CNN3: variants seen among roughly 807,000 people sequenced by gnomAD.
CNN3 encodes the protein calponin 3.
A neutral mutation model predicts 39.0 loss-of-function variants in CNN3; 11 were observed. The observed-to-expected ratio is 0.28, with a 90% CI of 0.18 to 0.47. The LOEUF (loss-of-function observed/expected upper bound fraction) is 0.47. CNN3 is among the 20% of genes least tolerant of loss of function. The pLI, the probability that CNN3 is intolerant of heterozygous loss-of-function variation, is 0.99. For synonymous variants in CNN3, 101 were observed against 138.3 expected, an observed-to-expected ratio of 0.73 and a Z score of 1.89; for missense variants, 266 against 403.4, an observed-to-expected ratio of 0.66 and a Z score of 2.92.
chr1:94,909,845 CATTCAGCTCAAG>C (rs1004839016), intron 1 of CNN3, among the ~76,000 whole-genome samples: 4 of 148,556 alleles, frequency 2.7e-5, no homozygotes, highest in Admixed American at 1.3e-4. Flanking sequence ...ACGCCGAGAG[CATTCAGCTCAAG>C]TACCATTTGA....
At chr1:94,904,675 A>C (rs944560317) in intron 1 of CNN3, among the ~76,000 whole-genome samples, 2 of 152,142 alleles carry the variant, frequency 1.3e-5, no homozygotes, top group Admixed American at 6.5e-5. Flanking sequence ...TGAGCCCACG[A>C]GATCGAGGCT....
At chr1:94,922,673 C>T (rs1458676755) in intron 1 of CNN3, among the ~76,000 whole-genome samples, 1 of 152,196 alleles carries the variant, frequency 6.6e-6, no homozygotes, top group Non-Finnish European at 1.5e-5. Context: ...TAATTTATAG[C>T]TGGGTCACCC....
At chr1:94,917,242 G>A (rs1671308464) in intron 1 of CNN3, among the ~76,000 whole-genome samples, 1 of 152,166 alleles carries the variant, frequency 6.6e-6, no homozygotes, top group African/African-American at 2.4e-5. Flanking sequence ...CTCCATGTTG[G>A]TCAGGCTGGT....
Position 94,897,640 on chromosome 1 carries a change from T to C in CNN3, c.*102A>G. On this transcript the variant is annotated 3_prime_UTR_variant, in exon 7 of 7. Coordinates refer to ENST00000370206, the MANE Select transcript of CNN3 (RefSeq NM_001839.5). ...AATTTTTCTTAAAAGTACAATAAGC[T>C]TAATAGTGTTTTAGGAAGACAAGAT... is the stretch of plus-strand genomic sequence containing the variant. 1 of 1,100,264 alleles carries C rather than the reference T, an allele frequency of 9.1e-7. No individual in the cohort carries two copies. The highest frequency in any genetic ancestry group is 1.3e-6 in the Non-Finnish European group (1 of 762,058). The allele number at this position is 1,100,264 out of a possible 1,614,324, so 68.2% of individuals were successfully genotyped here.
intron 1 of CNN3, among the ~76,000 whole-genome samples, chr1:94,913,704 G>T (rs969037620): frequency 3.3e-5 from 5 of 152,190 alleles, no homozygotes; most frequent in African/African-American, 1.2e-4. Flanking sequence ...GGAAGTTTAG[G>T]AGAGGCAGGT....
chr1:94,903,772 A>C (rs892686638), intron 1 of CNN3, among the ~76,000 whole-genome samples: 7 of 152,214 alleles, frequency 4.6e-5, no homozygotes, highest in Non-Finnish European at 8.8e-5. Flanking sequence ...CAAGGAGAGA[A>C]CATCAATCAA....
At chr1:94,922,899 C>T (rs1412387067) in intron 1 of CNN3, among the ~76,000 whole-genome samples, 1 of 152,212 alleles carries the variant, frequency 6.6e-6, no homozygotes, top group African/African-American at 2.4e-5. Flanking sequence ...CCGTGGGAAG[C>T]TGCTTTGCTC....
At position 94,916,610 on chromosome 1, in the gene CNN3, C is replaced by T. The variant is rs374833759; in HGVS notation, c.57+10228G>A. ...CCTGGGATTTCTTGCTCTGGTCTGC[C>T]CTCTCTGGACTCAGTACCCTCTCGT... On this transcript the variant is annotated intron_variant, in intron 1 of 6. Transcript: ENST00000370206. Among the ~76,000 whole-genome samples the T allele has an allele frequency of 5.9e-5, 9 of 152,234 alleles. No homozygotes were observed. The East Asian group carries it at 1.7e-3, about 29-fold the overall frequency.
chr1:94,904,573 C>T (rs960247909), intron 1 of CNN3, among the ~76,000 whole-genome samples: 1 of 151,996 alleles, frequency 6.6e-6, no homozygotes, highest in Non-Finnish European at 1.5e-5. Flanking sequence ...ATTGAGAGAC[C>T]TTGTCTCTAC....
rs1557915304 is a variant in CNN3, at chr1:94,918,519, A to AAC, written c.57+8318_57+8319insGT. ...AAAAAAAATAAAATAAAAAAAAAAA[A>AAC]AGTCGGCAAGGGGTGGGAGGAATTG... On this transcript the variant is annotated intron_variant, in intron 1 of 6. Coordinates refer to ENST00000370206, the MANE Select transcript of CNN3 (RefSeq NM_001839.5). 2.5e-4 allele frequency among the ~76,000 whole-genome samples: 34 copies of AAC among 136,970 alleles called. 7 individuals carry two copies. The highest frequency in any genetic ancestry group is 3.1e-4 in the Admixed American group (4 of 12,952). The allele number at this position is 136,970 out of a possible 152,430, so 89.9% of individuals were successfully genotyped here.
rs925089234 is a variant in CNN3 at position 94,926,979 on chromosome 1, C to T, written c.-85G>A. On this transcript the variant is annotated 5_prime_UTR_variant, in exon 1 of 7. Coordinates refer to ENST00000370206, the MANE Select transcript of CNN3 (RefSeq NM_001839.5). This position sits in a 1 kb window ranked among gnomAD's most constrained non-coding sequence, Gnocchi z 4.2. ...CCCCGCTCCTGGCCCCGAGGAGTGGCCGCCGCGGGGGATGCTCGAACTCCC... is the reference window on the plus strand; with the variant it reads ...CCCCGCTCCTGGCCCCGAGGAGTGGTCGCCGCGGGGGATGCTCGAACTCCC... 13 of 1,434,162 alleles carry T rather than the reference C, an allele frequency of 9.1e-6. No homozygotes were observed. Among genetic ancestry groups the T allele is most frequent in the African/African-American group, 1.4e-5 (1 of 69,166 alleles). The allele number at this position is 1,434,162 out of a possible 1,614,324, so 88.8% of individuals were successfully genotyped here. A position where few individuals can be genotyped will look rare whatever the true frequency, so the allele number is the denominator to read the frequency against.
At chr1:94,914,615 A>G (rs1445593508) in intron 1 of CNN3, among the ~76,000 whole-genome samples, 1 of 152,220 alleles carries the variant, frequency 6.6e-6, no homozygotes, top group Non-Finnish European at 1.5e-5. Flanking sequence ...GGTCAGCCTT[A>G]GTAAATCTGG....
Position 94,899,492 on chromosome 1 carries a change from T to G in CNN3, c.527A>C (p.Gln176Pro). The stretch of plus-strand genomic sequence containing the variant: ...AGTCCCGTAAGCTGTCATACCTGCC[T>G]GGCTGGCACATTTGTTGGTTCCCAT... Reference protein sequence around the residue: ...LQMGTNKCASQAGMTAYGTRR... With the variant: ...LQMGTNKCASPAGMTAYGTRR... The change falls in exon 6 of 7, where the codon CAG (glutamine) becomes CCG (proline). Residue 176 changes from glutamine (Q) to proline (P), a missense_variant. Coordinates refer to ENST00000370206, the MANE Select transcript of CNN3 (RefSeq NM_001839.5). 6.2e-7 allele frequency: 1 copy of G among 1,611,344 alleles called. No homozygotes were observed. Among genetic ancestry groups the G allele is most frequent in the Non-Finnish European group, 8.5e-7 (1 of 1,179,308 alleles).
chr1:94,925,907 G>A (rs1671563910), intron 1 of CNN3: 1 of 758,378 alleles, frequency 1.3e-6, no homozygotes, highest in Non-Finnish European at 1.6e-6. Flanking sequence ...CATGGGCTTG[G>A]AATGCAGGGA....
intron 1 of CNN3, among the ~76,000 whole-genome samples, chr1:94,915,718 C>T (rs1009442834): frequency 2.6e-5 from 4 of 152,176 alleles, no homozygotes; most frequent in Admixed American, 1.3e-4. Flanking sequence ...TGAACCAGTG[C>T]CCAAGCTCCA....
chr1:94,924,737 T>C (rs1236530664), intron 1 of CNN3, among the ~76,000 whole-genome samples: 3 of 152,258 alleles, frequency 2.0e-5, no homozygotes, highest in South Asian at 2.1e-4. Flanking sequence ...ATTCTTAGAA[T>C]AGTCCAACTT....
chr1:94,903,039 ACC>A, intron 3 of CNN3, 81 bp downstream of exon 3: 1 of 1,119,114 alleles, frequency 8.9e-7, no homozygotes, highest in Non-Finnish European at 1.2e-6. Context: ...AAAACACAAA[ACC>A]AAAAAACCAA....
chr1:94,918,373 AG>A (rs1671343124), intron 1 of CNN3, among the ~76,000 whole-genome samples: 1 of 151,920 alleles, frequency 6.6e-6, no homozygotes, highest in African/African-American at 2.4e-5. Flanking sequence ...ATAGGCCTGT[AG>A]TCCCAGCTAT....
intron 1 of CNN3, among the ~76,000 whole-genome samples, chr1:94,905,742 A>C (rs1221907941): frequency 6.6e-6 from 1 of 152,202 alleles, no homozygotes. Context: ...AGTTTATAAA[A>C]GACAGTCTTA....
Sources: allele counts gnomAD v4.1 joint callset (sites outside exome capture counted in the v4.1 genomes callset), GRCh38; gene constraint gnomAD v4.1.1; non-coding constraint Gnocchi (gnomAD v3.1); transcripts MANE v1.5; gene names NCBI Gene and HGNC (gene_info 2026-07-23, HGNC 2026-07-21).